The following TCTN1 variants were observed in gnomAD, a reference collection of about 807,000 sequenced individuals.
The protein encoded by TCTN1 is tectonic family member 1.
In TCTN1, 58 loss-of-function variants were observed where a neutral mutation model predicts 65.8. The ratio of observed to expected loss-of-function variants is 0.88; its 90% confidence interval spans 0.71 to 1.10. The LOEUF is 1.10. Among genes scored for constraint, TCTN1 ranks in the 50% least tolerant of loss-of-function variants. The pLI, the probability that TCTN1 is intolerant of heterozygous loss-of-function variation, is 0.00. For missense variants in TCTN1, 645 were observed against 719.4 expected (o/e 0.90, Z 1.18); for synonymous variants, 273 against 289.1 (o/e 0.94, Z 0.57).
chr12:110,627,031 C>T (rs1237381279), intron 3 of TCTN1, among the ~76,000 whole-genome samples: 1 of 151,290 alleles, frequency 6.6e-6, no homozygotes, highest in Admixed American at 6.6e-5. Context: ...CTTGGCCTCC[C>T]AACGTGCTGG....
intron 1 of TCTN1, among the ~76,000 whole-genome samples, chr12:110,618,704 A>G (rs1311636966): frequency 1.3e-5 from 2 of 152,134 alleles, no homozygotes; most frequent in African/African-American, 4.8e-5. Context: ...CGTTACAGAT[A>G]AGATTGAAGG....
intron 4 of TCTN1, among the ~76,000 whole-genome samples, chr12:110,631,067 A>G (rs947045980): frequency 6.6e-6 from 1 of 152,128 alleles, no homozygotes; most frequent in Non-Finnish European, 1.5e-5. Context: ...CTCAGGTTCA[A>G]GCAATTCTCC....
Position 110,649,416 on chromosome 12 carries a change from C to T in TCTN1, c.*375C>T. 2 of 1,608,332 alleles carry T rather than the reference C, an allele frequency of 1.2e-6. No individual in the cohort carries two copies. Among genetic ancestry groups the T allele is most frequent in the Non-Finnish European group, 8.5e-7 (1 of 1,176,226 alleles). ...GAGGGGAGCTGGTCCGGGTCTAGTT[C>T]ACTTCACCAAGAAGTCCATGCTGTC... On this transcript the variant is annotated 3_prime_UTR_variant, in exon 15 of 15. Transcript: ENST00000397659.
At chr12:110,641,830 G>A in intron 10 of TCTN1, 1 of 590,962 alleles carries the variant, frequency 1.7e-6, no homozygotes, top group Non-Finnish European at 3.0e-6. Context: ...AGTTGGGGGT[G>A]AGACAGCACG....
At chr12:110,620,293 A>G (rs1259109233) in intron 2 of TCTN1, among the ~76,000 whole-genome samples, 2 of 152,084 alleles carry the variant, frequency 1.3e-5, no homozygotes, top group Non-Finnish European at 2.9e-5. Context: ...CTGTGGTCCC[A>G]GCTACTCGGG....
At chr12:110,633,293 C>T (rs1565984891) in intron 5 of TCTN1, among the ~76,000 whole-genome samples, 1 of 152,182 alleles carries the variant, frequency 6.6e-6, no homozygotes, top group African/African-American at 2.4e-5. Flanking sequence ...GCTGAAAAGA[C>T]AAATGTATTC....
intron 13 of TCTN1, 148 bp downstream of exon 13, chr12:110,647,484 C>A: frequency 8.7e-7 from 1 of 1,143,282 alleles, no homozygotes; most frequent in Non-Finnish European, 1.3e-6. Context: ...TTCTTAGAAA[C>A]ACTGACGATG....
At chr12:110,627,386 C>T (rs537681558) in intron 3 of TCTN1, among the ~76,000 whole-genome samples, 1 of 152,284 alleles carries the variant, frequency 6.6e-6, no homozygotes, top group South Asian at 2.1e-4. Context: ...TGTGAGCTGC[C>T]TTGTCCAGCC....
chr12:110,632,118 T>C (rs528871639), intron 4 of TCTN1, among the ~76,000 whole-genome samples: 171 of 152,322 alleles, frequency 1.1e-3, no homozygotes, highest in African/African-American at 4.0e-3. Context: ...ATACTGTATA[T>C]GTTATTTAAA....
intron 11 of TCTN1, chr12:110,643,762 C>T (rs1271892277): frequency 2.6e-5 from 4 of 152,086 alleles, no homozygotes; most frequent in Non-Finnish European, 5.9e-5. Flanking sequence ...CAGCCTTGGC[C>T]TACAGGCTCA....
chr12:110,624,065 A>ATCT (rs939980573), intron 2 of TCTN1, among the ~76,000 whole-genome samples: 5 of 151,416 alleles, frequency 3.3e-5, no homozygotes, highest in African/African-American at 1.2e-4. Context: ...CTATACTATT[A>ATCT]TCTGTCTGTC....
At chr12:110,617,627 TC>T (rs2065133294) in intron 1 of TCTN1, among the ~76,000 whole-genome samples, 1 of 151,330 alleles carries the variant, frequency 6.6e-6, no homozygotes, top group Non-Finnish European at 1.5e-5. Flanking sequence ...GATACATTTT[TC>T]TTTTCTCTTT....
intron 4 of TCTN1, chr12:110,629,828 C>A (rs375384510): frequency 1.2e-4 from 18 of 152,304 alleles, no homozygotes; most frequent in African/African-American, 3.8e-4. Flanking sequence ...ATAGCAAAGA[C>A]TTGGAACCAA....
intron 4 of TCTN1, among the ~76,000 whole-genome samples, chr12:110,630,659 A>G (rs2066172330): frequency 6.6e-6 from 1 of 152,206 alleles, no homozygotes; most frequent in Non-Finnish European, 1.5e-5. Context: ...ATTGGTGTGT[A>G]TTCTTCCTGA....
At chr12:110,628,132 A>G in intron 3 of TCTN1, 2 of 1,535,974 alleles carry the variant, frequency 1.3e-6, no homozygotes, top group East Asian at 2.4e-5. Flanking sequence ...ATCCGGAGAG[A>G]GCTTCTCCTT....
Position 110,628,859 on chromosome 12 carries a change from G to T in TCTN1, c.565G>T (p.Ala189Ser). The stretch of plus-strand genomic sequence containing the variant: ...AACATCTGATGGTTTTACATTGAAT[G>T]CTGAATCATATGTTTCCTTCACAAC... ...MKTSDGFTLNAESYVSFTTKL... is the reference protein window; with the variant it reads ...MKTSDGFTLNSESYVSFTTKL... The change falls in exon 4 of 15, where the codon GCT becomes TCT. Residue 189 changes from alanine (A) to serine (S), a missense_variant. By Grantham distance (99) the Ala-to-Ser change is moderately conservative. Coordinates refer to ENST00000397659, the MANE Select transcript of TCTN1 (RefSeq NM_001082538.3). The T allele has an allele frequency of 6.2e-7, 1 of 1,613,596 alleles. No homozygotes were observed. The highest frequency in any genetic ancestry group is 2.2e-5 in the East Asian group (1 of 44,818).
intron 12 of TCTN1, 87 bp from the exon 13 acceptor site, chr12:110,647,109 G>A (rs1310517177): frequency 2.2e-5 from 33 of 1,499,102 alleles, no homozygotes; most frequent in Non-Finnish European, 2.8e-5. Context: ...AGAACATTTT[G>A]TAATATGTGA....
chr12:110,649,272 G>C lies in TCTN1; in HGVS notation c.*231G>C. 1.4e-6 allele frequency: 1 copy of C among 714,606 alleles called. No homozygotes were observed. Among genetic ancestry groups the C allele is most frequent in the East Asian group, 2.7e-5 (1 of 37,142 alleles). 44.3% of individuals were successfully genotyped at this position (714,606 alleles called of 1,614,324 possible). On this transcript the variant is annotated 3_prime_UTR_variant, in exon 15 of 15. Coordinates refer to ENST00000397659, the MANE Select transcript of TCTN1 (RefSeq NM_001082538.3). ...CCTTCCACAAGGCTGTGTCCACCCA[G>C]AATCCATGCTGGCAGGAGGGAGGCA...
At chr12:110,624,369 A>C (rs889041029) in intron 2 of TCTN1, among the ~76,000 whole-genome samples, 1 of 151,632 alleles carries the variant, frequency 6.6e-6, no homozygotes, top group African/African-American at 2.4e-5. Context: ...ATCTGCCAGC[A>C]TGCCGGACTA....
Sources: allele counts gnomAD v4.1 joint callset (sites outside exome capture counted in the v4.1 genomes callset), GRCh38; gene constraint gnomAD v4.1.1; transcripts MANE v1.5; gene names NCBI Gene and HGNC (gene_info 2026-07-23, HGNC 2026-07-21).